Variants in TRA2B observed in about 807,000 individuals in gnomAD.
TRA2B encodes transformer-2 protein homolog beta.
In TRA2B, 14 loss-of-function variants were observed where a neutral mutation model predicts 41.7. The ratio of observed to expected loss-of-function variants is 0.34; its 90% CI spans 0.22 to 0.53. The LOEUF (loss-of-function observed/expected upper bound fraction) is 0.53, where lower values mean the gene tolerates loss of function less well. TRA2B is among the 20% of genes least tolerant of loss of function. TRA2B has a pLI of 0.95. For missense variants in TRA2B, 167 were observed against 396.8 expected, an observed-to-expected ratio of 0.42 and a Z score of 4.92; for synonymous variants, 130 against 128.8, an observed-to-expected ratio of 1.01 and a Z score of -0.06.
At chr3:185,935,489 G>A in intron 1 of TRA2B, 3 of 985,326 alleles carry the variant, frequency 3.0e-6, no homozygotes, top group Non-Finnish European at 3.6e-6. Flanking sequence ...AAAGGGGAGG[G>A]ACACAACAAC....
chr3:185,934,370 A>G, intron 1 of TRA2B: 1 of 985,422 alleles, frequency 1.0e-6, no homozygotes, highest in Non-Finnish European at 1.2e-6. Context: ...AATCCCATTA[A>G]CACTTCCCCC....
At chr3:185,934,907 G>A (rs1025682097) in intron 1 of TRA2B, 6 of 985,374 alleles carry the variant, frequency 6.1e-6, no homozygotes, top group Non-Finnish European at 7.2e-6. Flanking sequence ...TATCTGCTGG[G>A]TCAAAACATT....
chr3:185,927,247 C>CA (rs1262823589), intron 1 of TRA2B: 1 of 152,246 alleles, frequency 6.6e-6, no homozygotes, highest in Non-Finnish European at 1.5e-5. Context: ...ATGATGATCT[C>CA]AGTTTCAAAT....
intron 1 of TRA2B, chr3:185,937,393 G>C: frequency 1.0e-6 from 1 of 1,003,556 alleles, no homozygotes; most frequent in Non-Finnish European, 1.2e-6. Context: ...CCCGCTGCGG[G>C]TCGGGTCCGC....
At chr3:185,934,833 G>A (rs923687206) in intron 1 of TRA2B, 2 of 985,430 alleles carry the variant, frequency 2.0e-6, no homozygotes, top group Non-Finnish European at 2.4e-6. Flanking sequence ...TAATGATAAA[G>A]ATTACGTGCC....
intron 1 of TRA2B, among the ~76,000 whole-genome samples, chr3:185,929,912 GTT>G (rs1340747293): frequency 6.6e-6 from 1 of 152,050 alleles, no homozygotes; most frequent in African/African-American, 2.4e-5. Context: ...CCCCTTCCTT[GTT>G]TTGACTCCCC....
intron 1 of TRA2B, chr3:185,936,655 G>A: frequency 1.0e-6 from 1 of 983,556 alleles, no homozygotes; most frequent in Non-Finnish European, 1.2e-6. Context: ...TACCAACAAG[G>A]GGAAACTTAG....
At chr3:185,936,735 GT>G in intron 1 of TRA2B, 1 of 984,450 alleles carries the variant, frequency 1.0e-6, no homozygotes, top group Non-Finnish European at 1.2e-6. Flanking sequence ...AATTTCTATG[GT>G]GCTTTTCTAT....
Position 185,918,351 on chromosome 3 carries a change from A to G in TRA2B, c.856+14T>C. 1 of 1,593,162 alleles carries G rather than the reference A, an allele frequency of 6.3e-7. No homozygotes were observed. The highest frequency in any genetic ancestry group is 8.6e-7 in the Non-Finnish European group (1 of 1,161,366). The stretch of plus-strand genomic sequence containing the variant: ...TACTACAATATAAACAATCATATTA[A>G]GATAAAAACTTACGAGGTGAGTATG... On this transcript the variant is annotated intron_variant, in intron 8 of 8. Transcript: ENST00000453386.
At chr3:185,935,011 G>A (rs985400844) in intron 1 of TRA2B, 186 of 985,276 alleles carry the variant, frequency 1.9e-4, no homozygotes, top group Non-Finnish European at 2.2e-4. Flanking sequence ...AATATTGAGA[G>A]GCTCAGAACA....
intron 4 of TRA2B, chr3:185,922,342 C>T (rs2150113204): frequency 2.6e-6 from 1 of 387,724 alleles, no homozygotes; most frequent in East Asian, 4.1e-5. Context: ...AATTATTTTA[C>T]CTAACTATGA....
rs1743720005 is a variant in TRA2B at position 185,921,177 on chromosome 3, G to A, written c.649C>T (p.Arg217Cys). 6.2e-7 allele frequency: 1 copy of A among 1,613,792 alleles called. No individual in the cohort carries two copies. The highest frequency in any genetic ancestry group is 8.5e-7 in the Non-Finnish European group (1 of 1,179,982). ...YMGRPTYGSS[R>C]RRDYYDRGYD... ...CCTCTGTCATAGTAATCCCGACGGC[G>A]AGAGCTGCCACTATGAAGAAAAAAA... The change falls in exon 6 of 9, where the codon CGC (arginine) becomes TGC (cysteine). Residue 217 changes from arginine (R) to cysteine (C), a missense_variant. Around this residue, in one of 5 missense-constraint regions of TRA2B, gnomAD observed 23 missense variants for 39.7 expected, o/e 0.58. Coordinates refer to ENST00000453386, the MANE Select transcript of TRA2B (RefSeq NM_004593.3).
intron 1 of TRA2B, chr3:185,934,377 C>T: frequency 3.0e-6 from 3 of 985,358 alleles, no homozygotes; most frequent in Non-Finnish European, 3.6e-6. Flanking sequence ...TTAACACTTC[C>T]CCCACCACCT....
At chr3:185,930,708 G>C (rs1211776766) in intron 1 of TRA2B, among the ~76,000 whole-genome samples, 1 of 152,138 alleles carries the variant, frequency 6.6e-6, no homozygotes. Flanking sequence ...GAAAAGAAGG[G>C]ACAGCTTTTG....
At position 185,915,655 on chromosome 3, in the gene TRA2B, T is replaced by TA. The variant is rs1327856625; in HGVS notation, c.*2059dup. ...CAAATGGCTAAAATTCTTTCAAATCTAAAAGCCAGAAAACAACTCAAACTA... is the reference window on the plus strand; with the variant it reads ...CAAATGGCTAAAATTCTTTCAAATCTAAAAAGCCAGAAAACAACTCAAACTA... On this transcript the variant is annotated 3_prime_UTR_variant, in exon 9 of 9. Coordinates refer to ENST00000453386, the MANE Select transcript of TRA2B (RefSeq NM_004593.3). 6.6e-6 allele frequency among the ~76,000 whole-genome samples: 1 copy of TA among 152,152 alleles called. No homozygotes were observed. The highest frequency in any genetic ancestry group is 1.5e-5 in the Non-Finnish European group (1 of 68,018).
intron 1 of TRA2B, chr3:185,936,215 CAA>C (rs1305995045): frequency 1.1e-4 from 110 of 985,366 alleles, no homozygotes; most frequent in Non-Finnish European, 1.3e-4. Context: ...TGTTTAATAA[CAA>C]AAGACTTTAA....
chr3:185,917,779 A>G, intron 8 of TRA2B, 54 bp from the exon 9 acceptor site: 1 of 1,568,622 alleles, frequency 6.4e-7, no homozygotes. Flanking sequence ...ATTATCAAGT[A>G]TACTTTAATG....
rs1744440595 is a variant in TRA2B at position 185,937,988 on chromosome 3, G to GCTCCGCACCGC, written c.-139_-129dup. On this transcript the variant is annotated 5_prime_UTR_variant, in exon 1 of 9. Transcript: ENST00000453386. Reference sequence around the variant, plus strand: ...TCGCCCAGCCGCTCAGAGCCGAAATGCTCCGCACCGCCTCCGCACGGGCTC... The same window carrying GCTCCGCACCGC: ...TCGCCCAGCCGCTCAGAGCCGAAATGCTCCGCACCGCCTCCGCACCGCCTCCGCACGGGCTC... The GCTCCGCACCGC allele has an allele frequency of 4.7e-6, 5 of 1,065,462 alleles. No homozygotes were observed. The highest frequency in any genetic ancestry group is 2.6e-5 in the East Asian group (1 of 38,472). 66.0% of individuals were successfully genotyped at this position (1,065,462 alleles called of 1,614,324 possible). A position where few individuals can be genotyped will look rare whatever the true frequency, so the allele number is the denominator to read the frequency against.
intron 8 of TRA2B, 128 bp downstream of exon 8, chr3:185,918,237 C>T: frequency 1.6e-6 from 1 of 641,048 alleles, no homozygotes; most frequent in Non-Finnish European, 2.6e-6. Flanking sequence ...AAAAAATGTT[C>T]AGGATGTGTG....
Sources: gnomAD v4.1 joint callset for allele counts (sites outside exome capture counted in the v4.1 genomes callset) on GRCh38, gnomAD v4.1.1 for gene constraint, gnomAD v4.1.1 regional missense constraint, MANE v1.5 for transcripts, NCBI Gene and HGNC (gene_info 2026-07-23, HGNC 2026-07-21) for gene names.